TP53BP2: variants seen among roughly 807,000 people sequenced by gnomAD.
TP53BP2 encodes apoptosis-stimulating of p53 protein 2.
A neutral mutation model predicts 126.2 loss-of-function variants in TP53BP2; 62 were observed. The observed-to-expected ratio is 0.49, with a 90% CI of 0.40 to 0.61. The LOEUF is 0.61. Among genes scored for constraint, TP53BP2 ranks in the 20% least tolerant of loss-of-function variants. The pLI, the probability that TP53BP2 is intolerant of heterozygous loss-of-function variation, is 0.00. For synonymous variants in TP53BP2, 485 were observed against 502.9 expected, an observed-to-expected ratio of 0.96 and a Z score of 0.48; for missense variants, 1,215 against 1,402.8, an observed-to-expected ratio of 0.87 and a Z score of 2.14.
At chr1:223,800,902 G>T in intron 9 of TP53BP2, 92 bp from the exon 10 acceptor site, 1 of 843,968 alleles carries the variant, frequency 1.2e-6, no homozygotes, top group Non-Finnish European at 1.8e-6. Flanking sequence ...TCTAAAAACA[G>T]CTTTAAATTC....
chr1:223,835,081 G>C (rs1434351562), intron 1 of TP53BP2, among the ~76,000 whole-genome samples: 1 of 152,220 alleles, frequency 6.6e-6, no homozygotes, highest in African/African-American at 2.4e-5. Context: ...GTGACGCAGG[G>C]ATTCAAAGTT....
intron 2 of TP53BP2, among the ~76,000 whole-genome samples, chr1:223,817,568 T>G (rs1380827378): frequency 6.6e-6 from 1 of 152,154 alleles, no homozygotes; most frequent in Non-Finnish European, 1.5e-5. Flanking sequence ...GATAATTTAT[T>G]TAAATATTTG....
intron 1 of TP53BP2, among the ~76,000 whole-genome samples, chr1:223,835,982 T>C (rs1033545049): frequency 5.9e-5 from 9 of 151,982 alleles, no homozygotes; most frequent in African/African-American, 2.2e-4. Flanking sequence ...AAGCTAAAAC[T>C]GTAGGATGAA....
At chr1:223,791,263 C>CAAAAAT (rs147902746) in intron 15 of TP53BP2, among the ~76,000 whole-genome samples, 2 of 151,028 alleles carry the variant, frequency 1.3e-5, no homozygotes, top group Admixed American at 6.6e-5. Context: ...CCTGTCTCTA[C>CAAAAAT]AAAAATAAAA....
At chr1:223,799,331 C>T (rs1041751930) in intron 11 of TP53BP2, among the ~76,000 whole-genome samples, 1 of 152,144 alleles carries the variant, frequency 6.6e-6, no homozygotes, top group Non-Finnish European at 1.5e-5. Flanking sequence ...TAATGCAATA[C>T]AATCTCTTCC....
In TP53BP2 at chr1:223,796,201, A is replaced by G; in HGVS notation, c.2338T>C (p.Ser780Pro). The change falls in exon 13 of 18, where the codon TCA becomes CCA. Residue 780 changes from serine (S) to proline (P), a missense_variant. This residue lies in a region of TP53BP2 where 204 missense variants were observed against 225.7 expected (regional missense o/e 0.90). Coordinates refer to ENST00000343537, the MANE Select transcript of TP53BP2 (RefSeq NM_001031685.3). The surrounding 1 kb of genome is among the most constrained non-coding windows in gnomAD (Gnocchi z 4.2). ...TISVPSYPSK[S>P]ASVTASSESP... ...TCTGAGCTGGCAGTCACAGAAGCTG[A>G]CTTGGATGGGTATGATGGGACAGAG... 1 of 1,614,142 alleles carries G rather than the reference A, an allele frequency of 6.2e-7. No individual in the cohort carries two copies. The highest frequency in any genetic ancestry group is 1.1e-5 in the South Asian group (1 of 91,074).
chr1:223,825,978 G>C (rs1031115952), intron 1 of TP53BP2: 1 of 152,182 alleles, frequency 6.6e-6, no homozygotes, highest in African/African-American at 2.4e-5. Flanking sequence ...AATGCAGAGA[G>C]GCAAAAAAAA....
intron 2 of TP53BP2, among the ~76,000 whole-genome samples, chr1:223,818,030 G>A (rs1663153474): frequency 6.6e-6 from 1 of 151,726 alleles, no homozygotes; most frequent in Non-Finnish European, 1.5e-5. Context: ...ACACTGATAT[G>A]TATGCTACTG....
At position 223,814,299 on chromosome 1, in the gene TP53BP2, C is replaced by T. The variant is rs905503075; in HGVS notation, c.230G>A (p.Ser77Asn). The T allele has an allele frequency of 6.8e-6, 11 of 1,613,848 alleles. No individual in the cohort carries two copies. In the African/African-American group the frequency reaches 1.3e-4, roughly 20 times the overall value. ...GAAGAAGCGAACTTCGTTCCTCTGA[C>T]TTCCAAATCGTTGAAGAACATCAAA... ...RMFDVLQRFG[S>N]QRNEVRFFLR... The change falls in exon 3 of 18, where the codon AGT (serine) becomes AAT (asparagine). Residue 77 changes from serine to asparagine, a missense_variant. Physicochemically the swap from Ser to Asn is conservative, Grantham distance 46 (BLOSUM62 1). Around this residue, in one of 4 missense-constraint regions of TP53BP2, gnomAD observed 814 missense variants for 853.0 expected, o/e 0.95. Coordinates refer to ENST00000343537, the MANE Select transcript of TP53BP2 (RefSeq NM_001031685.3).
intron 16 of TP53BP2, among the ~76,000 whole-genome samples, chr1:223,788,273 A>G (rs1281647780): frequency 6.6e-6 from 1 of 152,114 alleles, no homozygotes; most frequent in East Asian, 1.9e-4. Context: ...TCAACTGGGA[A>G]AGGAGTTACT....
rs1662878672 is a variant in TP53BP2, at chr1:223,810,598, AC to A, written c.290-86del. 3 of 914,010 alleles carry A rather than the reference AC, an allele frequency of 3.3e-6. No individual in the cohort carries two copies. In the Admixed American group the frequency reaches 8.6e-5, roughly 26 times the overall value. The allele number at this position is 914,010 out of a possible 1,614,324, so 56.6% of individuals were successfully genotyped here. On this transcript the variant is annotated intron_variant, in intron 3 of 17. Coordinates refer to ENST00000343537, the MANE Select transcript of TP53BP2 (RefSeq NM_001031685.3). ...CAGTTCATTTCTGAGTTCTGTCATT[AC>A]TGTTTGATATTTTAAGTTGAATGTA...
chr1:223,838,775 T>C (rs1456604610), intron 1 of TP53BP2, among the ~76,000 whole-genome samples: 1 of 152,218 alleles, frequency 6.6e-6, no homozygotes, highest in African/African-American at 2.4e-5. Flanking sequence ...GAAAGACTAC[T>C]CAACACCCCT....
At chr1:223,821,494 T>C (rs1255817421) in intron 1 of TP53BP2, 127 bp from the exon 2 acceptor site, 2 of 1,305,344 alleles carry the variant, frequency 1.5e-6, no homozygotes, top group Non-Finnish European at 2.2e-6. Flanking sequence ...AGTCTGGCTG[T>C]CACCCGGCCA....
chr1:223,834,936 T>C (rs1286935403), intron 1 of TP53BP2: 1 of 909,780 alleles, frequency 1.1e-6, no homozygotes, highest in Non-Finnish European at 1.3e-6. Context: ...CATTCTTTAG[T>C]ACACATGTTT....
Position 223,786,561 on chromosome 1 carries a change from T to C in TP53BP2, c.3164-2247A>G, listed in dbSNP as rs1017700792. On this transcript the variant is annotated intron_variant, in intron 16 of 17. Transcript: ENST00000343537. ...AACACATATTAACACATTATATATA[T>C]GTGTGTGTGTGCGTGTGTGCGTGTG... 2.8e-5 allele frequency among the ~76,000 whole-genome samples: 4 copies of C among 145,442 alleles called. No individual in the cohort carries two copies. The South Asian group carries it at 6.5e-4, about 24-fold the overall frequency.
At position 223,830,687 on chromosome 1, in the gene TP53BP2, A is replaced by T. The variant is rs564807323; in HGVS notation, c.28-9320T>A. On this transcript the variant is annotated intron_variant, in intron 1 of 17. Transcript: ENST00000343537. Reference sequence around the variant, plus strand: ...GGAAAAAGTTAAGTAAATTAAAATCATTTGCCAGAAGGACTATGTCCAGCC... The same window carrying T: ...GGAAAAAGTTAAGTAAATTAAAATCTTTTGCCAGAAGGACTATGTCCAGCC... Among the ~76,000 whole-genome samples the T allele has an allele frequency of 2.4e-3, 365 of 152,340 alleles. 4 individuals carry two copies. The highest frequency in any genetic ancestry group is 8.5e-3 in the African/African-American group (354 of 41,588).
intron 16 of TP53BP2, among the ~76,000 whole-genome samples, chr1:223,786,002 G>GGGAGGGAA (rs972013291): frequency 6.6e-6 from 1 of 152,076 alleles, no homozygotes; most frequent in Admixed American, 6.5e-5. Context: ...AAAGGAAGGA[G>GGGAGGGAA]GGAGGGAAGG....
chr1:223,826,495 A>G (rs1663500159), intron 1 of TP53BP2, among the ~76,000 whole-genome samples: 1 of 152,212 alleles, frequency 6.6e-6, no homozygotes, highest in Admixed American at 6.5e-5. Context: ...GCAAATCATT[A>G]AAGTCAGAAA....
intron 12 of TP53BP2, among the ~76,000 whole-genome samples, chr1:223,797,279 T>C (rs1019451876): frequency 1.3e-5 from 2 of 152,208 alleles, no homozygotes; most frequent in African/African-American, 2.4e-5. Flanking sequence ...TATGAAGTAA[T>C]AATTTAGAAA....
Sources: allele counts gnomAD v4.1 joint callset (sites outside exome capture counted in the v4.1 genomes callset), GRCh38; gene constraint gnomAD v4.1.1; regional missense constraint gnomAD v4.1.1; non-coding constraint Gnocchi (gnomAD v3.1); transcripts MANE v1.5; gene names NCBI Gene and HGNC (gene_info 2026-07-23, HGNC 2026-07-21).